The following EVC2 variants were observed in gnomAD, a reference collection of about 807,000 sequenced individuals.
The protein encoded by EVC2 is EvC ciliary complex subunit 2, also known as limbin.
EVC2 carries 148 observed loss-of-function variants against 149.3 expected under a neutral mutation model. The observed-to-expected ratio is 0.99, with a 90% confidence interval of 0.87 to 1.14. The LOEUF is 1.14. Among genes scored for constraint, EVC2 ranks in the 50% most tolerant of loss-of-function variants. The pLI, the probability that EVC2 is intolerant of heterozygous loss-of-function variation, is 0.00. For missense variants in EVC2, 1,854 were observed against 1,627.3 expected, an observed-to-expected ratio of 1.14 and a Z score of -2.40; for synonymous variants, 776 against 649.9, an observed-to-expected ratio of 1.19 and a Z score of -2.95.
intron 7 of EVC2, among the ~76,000 whole-genome samples, chr4:5,671,339 T>G (rs1387124829): frequency 6.6e-6 from 1 of 152,116 alleles, no homozygotes; most frequent in East Asian, 1.9e-4. Flanking sequence ...CTGTTAACAC[T>G]TTCATTCCCA....
intron 8 of EVC2, among the ~76,000 whole-genome samples, chr4:5,664,380 G>A (rs1465625924): frequency 6.6e-6 from 1 of 152,206 alleles, no homozygotes; most frequent in Non-Finnish European, 1.5e-5. Context: ...TACTGCAAGG[G>A]TCTTCACGCC....
intron 16 of EVC2, among the ~76,000 whole-genome samples, chr4:5,612,645 G>A (rs1186558565): frequency 4.6e-5 from 7 of 152,120 alleles, no homozygotes; most frequent in East Asian, 1.9e-4. Context: ...ATGAGAGGCC[G>A]GGCATGGTGG....
At chr4:5,619,119 G>C (rs1715494938) in intron 14 of EVC2, among the ~76,000 whole-genome samples, 1 of 152,168 alleles carries the variant, frequency 6.6e-6, no homozygotes, top group South Asian at 2.1e-4. Context: ...CTTATGACTG[G>C]TTCCAAAGGG....
chr4:5,562,012 G>A (rs1721982240), downstream of EVC2, among the ~76,000 whole-genome samples: 1 of 152,176 alleles, frequency 6.6e-6, no homozygotes, highest in Admixed American at 6.5e-5. This position sits in a 1 kb window ranked among gnomAD's most constrained non-coding sequence, Gnocchi z 4.3. Flanking sequence ...CTGGCCTCAG[G>A]CACTGCTGTG....
chr4:5,622,593 A>G lies in EVC2; in HGVS notation c.2445T>C (p.Pro815=). 1 of 1,613,966 alleles carries G rather than the reference A, an allele frequency of 6.2e-7. No individual in the cohort carries two copies. Among genetic ancestry groups the G allele is most frequent in the Non-Finnish European group, 8.5e-7 (1 of 1,179,972 alleles). ...SVRQRLKDDA[P]EAVTEEQAEL... Reference sequence around the variant, plus strand: ...CTGCCTGCTCCTCTGTCACGGCCTCAGGAGCGTCATCCTTCAGTCTCTGCC... The same window carrying G: ...CTGCCTGCTCCTCTGTCACGGCCTCGGGAGCGTCATCCTTCAGTCTCTGCC... The change falls in exon 14 of 22, where the codon CCT becomes CCC. Residue 815 remains proline, a synonymous_variant. Transcript: ENST00000344408. The surrounding 1 kb of genome is among the most constrained non-coding windows in gnomAD (Gnocchi z 5.8).
In EVC2 at chr4:5,622,586, C is replaced by G. The variant is rs779490211; in HGVS notation, c.2452G>C (p.Val818Leu). 2 of 1,613,984 alleles carry G rather than the reference C, an allele frequency of 1.2e-6. No individual in the cohort carries two copies. Among genetic ancestry groups the G allele is most frequent in the African/African-American group, 1.3e-5 (1 of 75,004 alleles). The stretch of plus-strand genomic sequence containing the variant: ...CGCAGCTCTGCCTGCTCCTCTGTCA[C>G]GGCCTCAGGAGCGTCATCCTTCAGT... ...QRLKDDAPEAVTEEQAELRRW... is the reference protein window; with the variant it reads ...QRLKDDAPEALTEEQAELRRW... The change falls in exon 14 of 22, where the codon GTG becomes CTG. Residue 818 changes from valine to leucine, a missense_variant. Transcript: ENST00000344408. This position sits in a 1 kb window ranked among gnomAD's most constrained non-coding sequence, Gnocchi z 5.8.
rs1181948370 is a variant in EVC2 at position 5,670,718 on chromosome 4, T to C, written c.871-5069A>G. On this transcript the variant is annotated intron_variant, in intron 7 of 21. Coordinates refer to ENST00000344408, the MANE Select transcript of EVC2 (RefSeq NM_147127.5). The surrounding 1 kb of genome is among the most constrained non-coding windows in gnomAD (Gnocchi z 5.2). ...ATTATCAACATCATCAATATCTCCA[T>C]CACCATCATCTTCACCATCACCATC... Among the ~76,000 whole-genome samples, 1 of 151,764 alleles carries C rather than the reference T, an allele frequency of 6.6e-6. No individual in the cohort carries two copies. The highest frequency in any genetic ancestry group is 1.5e-5 in the Non-Finnish European group (1 of 67,956).
intron 16 of EVC2, among the ~76,000 whole-genome samples, chr4:5,592,353 G>A (rs931509338): frequency 3.3e-5 from 5 of 152,200 alleles, no homozygotes; most frequent in African/African-American, 1.2e-4. Flanking sequence ...AGTGGGCCAA[G>A]GGATGGAGAA....
chr4:5,596,876 A>C (rs1432977695), intron 16 of EVC2, among the ~76,000 whole-genome samples: 1 of 152,238 alleles, frequency 6.6e-6, no homozygotes, highest in Non-Finnish European at 1.5e-5. Context: ...AAAATGATAA[A>C]GGGGATATCA....
At position 5,612,627 on chromosome 4, in the gene EVC2, AAATAATT is replaced by A. The variant is rs1714917613; in HGVS notation, c.2829+2788_2829+2794del. On this transcript the variant is annotated intron_variant, in intron 16 of 21. Transcript: ENST00000344408. Reference sequence around the variant, plus strand: ...GCTGGAAACAGAGGAGATGGATTAGAAATAATTATGAGAGGCCGGGCATGGTGGCTCA... The same window carrying A: ...GCTGGAAACAGAGGAGATGGATTAGAATGAGAGGCCGGGCATGGTGGCTCA... Among the ~76,000 whole-genome samples, 4 of 152,296 alleles carry A rather than the reference AAATAATT, an allele frequency of 2.6e-5. 1 individual carries two copies. The highest frequency in any genetic ancestry group is 2.1e-4 in the South Asian group (1 of 4,826).
intron 9 of EVC2, among the ~76,000 whole-genome samples, chr4:5,655,701 T>C (rs560503223): frequency 7.2e-6 from 1 of 138,530 alleles, no homozygotes; most frequent in South Asian, 2.3e-4. Context: ...ACACAGCCCC[T>C]GGCATGGACC....
At chr4:5,697,784 C>A (rs567870104) in intron 1 of EVC2, 137 bp from the exon 2 acceptor site, 6 of 758,844 alleles carry the variant, frequency 7.9e-6, no homozygotes, top group South Asian at 6.2e-5. Flanking sequence ...CTTGCTCTGT[C>A]ACCCAGGCTG....
At chr4:5,549,164 A>G (rs1007998268) in intron 21 of EVC2, among the ~76,000 whole-genome samples, 6 of 152,242 alleles carry the variant, frequency 3.9e-5, no homozygotes, top group African/African-American at 1.2e-4. Context: ...CAATTTTTAT[A>G]TTAAGATATA....
At chr4:5,575,964 T>G (rs973217435) in intron 18 of EVC2, among the ~76,000 whole-genome samples, 25 of 152,216 alleles carry the variant, frequency 1.6e-4, no homozygotes, top group Non-Finnish European at 1.6e-4. Context: ...CTCTCCCTAC[T>G]ACCTTTGCAA....
chr4:5,562,372 AACGTAAG>A, downstream of EVC2: 3 of 894,458 alleles, frequency 3.4e-6, no homozygotes, highest in Non-Finnish European at 4.1e-6. The surrounding 1 kb of genome is among the most constrained non-coding windows in gnomAD (Gnocchi z 4.3). Context: ...CAGGGAACAA[AACGTAAG>A]ACGTAATTTC....
intron 11 of EVC2, among the ~76,000 whole-genome samples, chr4:5,630,275 G>C (rs890994199): frequency 6.6e-6 from 1 of 152,166 alleles, no homozygotes; most frequent in Non-Finnish European, 1.5e-5. Context: ...GCTCGGCCTG[G>C]TACTAGCTGC....
At chr4:5,683,434 T>C (rs534863740) in intron 6 of EVC2, among the ~76,000 whole-genome samples, 11 of 152,316 alleles carry the variant, frequency 7.2e-5, no homozygotes, top group Non-Finnish European at 1.3e-4. Flanking sequence ...TTACGTTTTT[T>C]AGTTCCTAGC....
Position 5,686,278 on chromosome 4 carries a change from G to A in EVC2, c.707-799C>T, listed in dbSNP as rs1291501237. ...TCTCTATGTTGCCCAGACTAGTCTC[G>A]AACTCCCAGGCTCCAGTGATCCTCC... On this transcript the variant is annotated intron_variant, in intron 5 of 21. Coordinates refer to ENST00000344408, the MANE Select transcript of EVC2 (RefSeq NM_147127.5). The surrounding 1 kb of genome is among the most constrained non-coding windows in gnomAD (Gnocchi z 5.4). 3.3e-5 allele frequency among the ~76,000 whole-genome samples: 5 copies of A among 151,918 alleles called. No individual in the cohort carries two copies. In the South Asian group the frequency reaches 6.2e-4, roughly 19 times the overall value.
chr4:5,651,006 G>C lies in EVC2; in HGVS notation c.1146-10168C>G, dbSNP rs73065616. ...TTACAGCACAGAAAAGAAGATGCAG[G>C]GGAAACATGATAAACACGTGGATGG... On this transcript the variant is annotated intron_variant, in intron 9 of 21. Transcript: ENST00000344408. 1.3e-3 allele frequency among the ~76,000 whole-genome samples: 195 copies of C among 152,270 alleles called. 1 individual carries two copies. The highest frequency in any genetic ancestry group is 4.1e-3 in the African/African-American group (170 of 41,574).
Sources: gnomAD v4.1 joint callset for allele counts (sites outside exome capture counted in the v4.1 genomes callset) on GRCh38, gnomAD v4.1.1 for gene constraint, Gnocchi (gnomAD v3.1) non-coding constraint, MANE v1.5 for transcripts, NCBI Gene and HGNC (gene_info 2026-07-23, HGNC 2026-07-21) for gene names.